Variants in CACNA1B observed in about 807,000 individuals in gnomAD.
CACNA1B encodes the protein voltage-dependent N-type calcium channel subunit alpha-1B.
A neutral mutation model predicts 247.2 loss-of-function variants in CACNA1B; 70 were observed. That is an observed-to-expected ratio of 0.28 (90% CI 0.23 to 0.35). CACNA1B has a LOEUF of 0.35. CACNA1B is among the 10% of genes least tolerant of loss of function. The pLI is 1.00. For missense variants in CACNA1B, 2,367 were observed against 3,197.4 expected (o/e 0.74, Z 6.26); for synonymous variants, 1,231 against 1,294.4 (o/e 0.95, Z 1.05).
chr9:138,070,124 T>C (rs1380950741), intron 32 of CACNA1B, among the ~76,000 whole-genome samples: 2 of 152,248 alleles, frequency 1.3e-5, no homozygotes, highest in African/African-American at 2.4e-5. Context: ...AGTTTGTCCC[T>C]GATCCCTGCG....
intron 6 of CACNA1B, among the ~76,000 whole-genome samples, chr9:137,948,429 G>T (rs1957823540): frequency 6.6e-6 from 1 of 151,946 alleles, no homozygotes; most frequent in Non-Finnish European, 1.5e-5. Context: ...ATCGTTCTTT[G>T]TTTTCTTACT....
intron 6 of CACNA1B, among the ~76,000 whole-genome samples, chr9:137,922,730 G>A (rs1189655802): frequency 1.3e-5 from 2 of 152,190 alleles, no homozygotes; most frequent in African/African-American, 2.4e-5. Context: ...TTCACATGCA[G>A]TAGTGAGAAA....
chr9:138,122,092 G>A lies in CACNA1B; in HGVS notation c.*93G>A, dbSNP rs1328344087. The stretch of plus-strand genomic sequence containing the variant: ...CACACGGGGCAGCCGGCCCTCGGGG[G>A]AGGCCTTGCCCACCTTGGTGAGGCT... On this transcript the variant is annotated 3_prime_UTR_variant, in exon 47 of 47. Transcript: ENST00000371372. The A allele has an allele frequency of 2.5e-6, 3 of 1,224,050 alleles. No individual in the cohort carries two copies. The African/African-American group carries it at 4.5e-5, about 18-fold the overall frequency. 75.8% of individuals were successfully genotyped at this position (1,224,050 alleles called of 1,614,324 possible). A position where few individuals can be genotyped will look rare whatever the true frequency, so the allele number is the denominator to read the frequency against.
chr9:138,066,042 C>T (rs374140327), intron 31 of CACNA1B, among the ~76,000 whole-genome samples: 3 of 152,162 alleles, frequency 2.0e-5, no homozygotes, highest in Non-Finnish European at 2.9e-5. Flanking sequence ...TGGATCAGAA[C>T]GTGTGATCCA....
intron 6 of CACNA1B, among the ~76,000 whole-genome samples, chr9:137,918,010 C>A (rs1205617558): frequency 2.0e-5 from 3 of 152,226 alleles, no homozygotes; most frequent in Non-Finnish European, 4.4e-5. Context: ...CGGAGCAGGG[C>A]CGAGGCCCCC....
At chr9:138,077,170 C>T (rs555914951) in intron 35 of CACNA1B, among the ~76,000 whole-genome samples, 131 of 152,330 alleles carry the variant, frequency 8.6e-4, no homozygotes, top group African/African-American at 3.0e-3. Context: ...GCAGGAACCC[C>T]CCTGCCTCCG....
At chr9:137,949,396 G>A (rs944747977) in intron 6 of CACNA1B, among the ~76,000 whole-genome samples, 12 of 151,154 alleles carry the variant, frequency 7.9e-5, no homozygotes, top group East Asian at 7.8e-4. Flanking sequence ...TGGTGTGTGC[G>A]CTTGTGTGTC....
In CACNA1B at chr9:138,083,287, T is replaced by C. The variant is rs181649499; in HGVS notation, c.5094+5029T>C. 2.7e-5 allele frequency among the ~76,000 whole-genome samples: 4 copies of C among 150,850 alleles called. 1 individual carries two copies. The East Asian group carries it at 8.2e-4, about 31-fold the overall frequency. On this transcript the variant is annotated intron_variant, in intron 36 of 46. Coordinates refer to ENST00000371372, the MANE Select transcript of CACNA1B (RefSeq NM_000718.4). ...AAACTGCCATCAAACTAACCAAGAC[T>C]GGTGGCCGACATCCCCAAGCTGAGC...
intron 36 of CACNA1B, among the ~76,000 whole-genome samples, chr9:138,092,817 T>C (rs1321902764): frequency 2.6e-5 from 4 of 152,214 alleles, no homozygotes; most frequent in Admixed American, 6.5e-5. Flanking sequence ...ATCTTCACAA[T>C]TTATGTTCTT....
chr9:138,056,584 A>C (rs1234185696), intron 26 of CACNA1B, among the ~76,000 whole-genome samples: 2 of 152,158 alleles, frequency 1.3e-5, no homozygotes, highest in Non-Finnish European at 2.9e-5. Flanking sequence ...ATGGGTGTGT[A>C]CCTAAAAGTG....
At chr9:138,043,423 C>T (rs1004944924) in intron 20 of CACNA1B, among the ~76,000 whole-genome samples, 1 of 152,166 alleles carries the variant, frequency 6.6e-6, no homozygotes, top group Non-Finnish European at 1.5e-5. Context: ...TTCGAGGTCC[C>T]AGCAGAGGCA....
At chr9:138,108,434 C>G (rs575022488) in intron 39 of CACNA1B, among the ~76,000 whole-genome samples, 1 of 151,720 alleles carries the variant, frequency 6.6e-6, no homozygotes, top group South Asian at 2.1e-4. Context: ...TTATTGAAGT[C>G]TACCAACTGT....
chr9:138,081,430 C>A (rs2131323763), intron 36 of CACNA1B, among the ~76,000 whole-genome samples: 1 of 152,290 alleles, frequency 6.6e-6, no homozygotes, highest in South Asian at 2.1e-4. Flanking sequence ...ACATGCTGGG[C>A]AACTCATGCT....
intron 10 of CACNA1B, among the ~76,000 whole-genome samples, chr9:137,965,423 G>A (rs1349418562): frequency 6.6e-6 from 1 of 152,228 alleles, no homozygotes. Flanking sequence ...GCGCATGCCT[G>A]TAATCCCAGC....
chr9:138,052,212 G>A lies in CACNA1B; in HGVS notation c.3807+24G>A. ...AGGTTAGAGCCTGGAGTTGGGGCTTGAGGGATGTGCTGTGTGTGTGTGCGT... is the reference window on the plus strand; with the variant it reads ...AGGTTAGAGCCTGGAGTTGGGGCTTAAGGGATGTGCTGTGTGTGTGTGCGT... On this transcript the variant is annotated intron_variant, in intron 25 of 46. Transcript: ENST00000371372. The surrounding 1 kb of genome is among the most constrained non-coding windows in gnomAD (Gnocchi z 5.1). 7.2e-7 allele frequency: 1 copy of A among 1,396,696 alleles called. No individual in the cohort carries two copies. The highest frequency in any genetic ancestry group is 1.0e-6 in the Non-Finnish European group (1 of 988,786). 86.5% of individuals were successfully genotyped at this position (1,396,696 alleles called of 1,614,324 possible). A position where few individuals can be genotyped will look rare whatever the true frequency, so the allele number is the denominator to read the frequency against.
intron 39 of CACNA1B, among the ~76,000 whole-genome samples, chr9:138,106,336 G>A (rs1288731040): frequency 6.6e-6 from 1 of 150,398 alleles, no homozygotes; most frequent in African/African-American, 2.5e-5. Flanking sequence ...ACCCCCCTGC[G>A]TCTGCCCCAT....
At chr9:137,886,201 G>A (rs1258246485) in intron 3 of CACNA1B, among the ~76,000 whole-genome samples, 1 of 151,890 alleles carries the variant, frequency 6.6e-6, no homozygotes. Flanking sequence ...GGTCGGGGCT[G>A]AGCCGGCTCC....
intron 6 of CACNA1B, among the ~76,000 whole-genome samples, chr9:137,918,761 C>T (rs1351069558): frequency 1.3e-5 from 2 of 152,124 alleles, no homozygotes; most frequent in Non-Finnish European, 2.9e-5. Context: ...GCTTATTGAG[C>T]TCGTTTATCA....
chr9:137,930,075 G>A (rs1288101090), intron 6 of CACNA1B, among the ~76,000 whole-genome samples: 2 of 152,168 alleles, frequency 1.3e-5, no homozygotes, highest in Non-Finnish European at 2.9e-5. Flanking sequence ...GGGATTACAG[G>A]CATGAGCCAC....
Sources: allele counts gnomAD v4.1 joint callset (sites outside exome capture counted in the v4.1 genomes callset), GRCh38; gene constraint gnomAD v4.1.1; non-coding constraint Gnocchi (gnomAD v3.1); transcripts MANE v1.5; gene names NCBI Gene and HGNC (gene_info 2026-07-23, HGNC 2026-07-21).